COXFA4: variants seen among roughly 807,000 people sequenced by gnomAD.
COXFA4 encodes cytochrome c oxidase subunit FA4.
chr7:10,938,580 G>T, the COXFA4 span: 1 of 478,968 alleles, frequency 2.1e-6, no homozygotes, highest in Non-Finnish European at 3.8e-6. Flanking sequence ...TACAAGATTT[G>T]GTATTAGCAG....
the COXFA4 span, chr7:10,937,826 G>C: frequency 6.4e-6 from 3 of 465,972 alleles, no homozygotes; most frequent in Non-Finnish European, 1.2e-5. Context: ...TGAGAACACT[G>C]TGTTAGACTA....
At chr7:10,938,027 A>T in the COXFA4 span, 1 of 1,404,518 alleles carries the variant, frequency 7.1e-7, no homozygotes, top group Non-Finnish European at 1.0e-6. Flanking sequence ...AAGAAAACCC[A>T]CCCCATGACA....
chr7:10,933,051 G>C, the COXFA4 span: 2,132 of 152,384 alleles, frequency 0.014, 51 homozygotes, highest in African/African-American at 0.049. Context: ...TTGACTACTA[G>C]CACCATGGTT....
the COXFA4 span, chr7:10,940,095 C>G: frequency 6.2e-7 from 1 of 1,607,900 alleles, no homozygotes. Context: ...AGGAGAGAAC[C>G]GACCTAGCCA....
At chr7:10,936,419 T>C in the COXFA4 span, among the ~76,000 whole-genome samples, 10 of 152,242 alleles carry the variant, frequency 6.6e-5, no homozygotes, top group African/African-American at 2.4e-4. Flanking sequence ...TAGATTCCAA[T>C]ACGCTCTTTG....
At chr7:10,936,637 T>G in the COXFA4 span, among the ~76,000 whole-genome samples, 1 of 152,208 alleles carries the variant, frequency 6.6e-6, no homozygotes, top group Non-Finnish European at 1.5e-5. Context: ...GCTTAGCCAT[T>G]GCATTTTTAT....
chr7:10,939,900 C>T, the COXFA4 span: 1 of 1,155,996 alleles, frequency 8.7e-7, no homozygotes, highest in South Asian at 1.2e-5. Context: ...GAGGCAGGGT[C>T]TGGTCTGACG....
the COXFA4 span, among the ~76,000 whole-genome samples, chr7:10,936,539 A>C: frequency 1.3e-5 from 2 of 152,248 alleles, no homozygotes; most frequent in African/African-American, 2.4e-5. Context: ...ACAAATTCAT[A>C]AACAATGTCA....
chr7:10,937,681 G>A, the COXFA4 span, among the ~76,000 whole-genome samples: 1 of 152,112 alleles, frequency 6.6e-6, no homozygotes, highest in African/African-American at 2.4e-5. Context: ...CTCAGTCCAT[G>A]AAATCATTCT....
At chr7:10,939,909 C>T in the COXFA4 span, 2 of 1,285,906 alleles carry the variant, frequency 1.6e-6, no homozygotes, top group Non-Finnish European at 1.1e-6. Flanking sequence ...TCTGGTCTGA[C>T]GGACGGTAAG....
chr7:10,940,118 C>G, the COXFA4 span: 1 of 1,542,772 alleles, frequency 6.5e-7, no homozygotes, highest in Non-Finnish European at 8.9e-7. Flanking sequence ...AGGCCCTAAG[C>G]TAAAAATTAT....
At chr7:10,938,018 A>G in the COXFA4 span, 3 of 1,333,626 alleles carry the variant, frequency 2.2e-6, no homozygotes, top group Non-Finnish European at 3.2e-6. Flanking sequence ...TCCAGTTTCA[A>G]GAAAACCCAC....
the COXFA4 span, chr7:10,938,156 A>C: frequency 6.2e-7 from 1 of 1,610,334 alleles, no homozygotes; most frequent in South Asian, 1.1e-5. Context: ...AACTAAAAGA[A>C]ATAAAACATT....
At chr7:10,934,572 T>C in the COXFA4 span, among the ~76,000 whole-genome samples, 2 of 152,138 alleles carry the variant, frequency 1.3e-5, no homozygotes, top group Non-Finnish European at 2.9e-5. Context: ...GACTATGTTA[T>C]TTATCTCCAA....
the COXFA4 span, among the ~76,000 whole-genome samples, chr7:10,937,372 T>A: frequency 6.6e-6 from 1 of 151,876 alleles, no homozygotes; most frequent in African/African-American, 2.4e-5. Flanking sequence ...AACCTCCACC[T>A]CCCAGGTTCA....
chr7:10,936,165 C>T, the COXFA4 span, among the ~76,000 whole-genome samples: 1 of 152,212 alleles, frequency 6.6e-6, no homozygotes, highest in Admixed American at 6.5e-5. Flanking sequence ...GTTTCATTTA[C>T]TCCAGCTTCT....
chr7:10,936,236 T>C, the COXFA4 span, among the ~76,000 whole-genome samples: 15 of 152,362 alleles, frequency 9.8e-5, no homozygotes, highest in African/African-American at 3.6e-4. Flanking sequence ...ACTCTTCATC[T>C]TTCCAGACTC....
At chr7:10,939,889 C>A in the COXFA4 span, 2 of 1,043,330 alleles carry the variant, frequency 1.9e-6, no homozygotes, top group Non-Finnish European at 3.0e-6. Context: ...AAACACTAGG[C>A]GAGGCAGGGT....
At chr7:10,939,832 A>G in the COXFA4 span, 393 of 739,754 alleles carry the variant, frequency 5.3e-4, no homozygotes, top group African/African-American at 5.9e-3. Context: ...AAAACCCCAC[A>G]ATGCATGGCG....
Sources: gnomAD v4.1 joint callset for allele counts (sites outside exome capture counted in the v4.1 genomes callset) on GRCh38, gnomAD v4.1.1 for gene constraint, MANE v1.5 for transcripts, NCBI Gene and HGNC (gene_info 2026-07-23, HGNC 2026-07-21) for gene names.